The following FAM193B variants were observed in gnomAD, a reference collection of about 807,000 sequenced individuals.
FAM193B encodes family with sequence similarity 193 member B, also known as protein FAM193B.
Under a neutral mutation model 70.7 loss-of-function variants are expected in FAM193B, and 27 were observed. The ratio of observed to expected loss-of-function variants is 0.38; its 90% confidence interval spans 0.28 to 0.53. FAM193B has a LOEUF of 0.53. FAM193B is among the 20% of genes least tolerant of loss of function. FAM193B has a pLI of 0.81. For synonymous variants in FAM193B, 448 were observed against 436.0 expected, an observed-to-expected ratio of 1.03 and a Z score of -0.34; for missense variants, 1,022 against 1,072.5, an observed-to-expected ratio of 0.95 and a Z score of 0.66.
chr5:177,533,295 C>T (rs1581884180), intron 4 of FAM193B, among the ~76,000 whole-genome samples: 1 of 151,504 alleles, frequency 6.6e-6, no homozygotes, highest in East Asian at 1.9e-4. Context: ...GTGCCAGGTT[C>T]TAGAGTCGGC....
At chr5:177,552,446 A>G (rs914432446) in intron 1 of FAM193B, among the ~76,000 whole-genome samples, 4 of 152,240 alleles carry the variant, frequency 2.6e-5, no homozygotes, top group Non-Finnish European at 5.9e-5. Context: ...TGAAGCTTAG[A>G]GCTCTTGGCA....
chr5:177,531,547 AT>A, intron 5 of FAM193B: 1 of 1,265,618 alleles, frequency 7.9e-7, no homozygotes, highest in Non-Finnish European at 1.0e-6. Context: ...AGGTGCTGAC[AT>A]TACACCCTGG....
At chr5:177,545,061 T>A (rs1042423916) in intron 1 of FAM193B, among the ~76,000 whole-genome samples, 1 of 152,208 alleles carries the variant, frequency 6.6e-6, no homozygotes, top group African/African-American at 2.4e-5. Context: ...ATTTTTTTTT[T>A]AAGATGAAAT....
Position 177,554,178 on chromosome 5 carries a change from G to A in FAM193B, c.210+71C>T, listed in dbSNP as rs371129723. ...GGCAGGATGGCCCATCCCCAACCCC[G>A]CCCCACTCCCGCTCCCGCTCGGGGA... On this transcript the variant is annotated intron_variant, in intron 1 of 8. Transcript: ENST00000514747. 291 of 1,452,772 alleles carry A rather than the reference G, an allele frequency of 2.0e-4. 2 individuals are homozygous for A. In the East Asian group the frequency reaches 7.4e-3, roughly 37 times the overall value. 90.0% of individuals were successfully genotyped at this position (1,452,772 alleles called of 1,614,324 possible).
chr5:177,547,115 A>T (rs938555209), intron 1 of FAM193B: 9 of 152,180 alleles, frequency 5.9e-5, no homozygotes, highest in African/African-American at 2.2e-4. Flanking sequence ...ATGGGAATAA[A>T]ACCATATTTT....
At chr5:177,529,953 T>A (rs1043456279) in intron 5 of FAM193B, among the ~76,000 whole-genome samples, 5 of 152,190 alleles carry the variant, frequency 3.3e-5, no homozygotes, top group Non-Finnish European at 5.9e-5. Flanking sequence ...GGATCCTGGT[T>A]GTCCTTGGGG....
At position 177,525,097 on chromosome 5, in the gene FAM193B, G is replaced by A. The variant is rs769082254; in HGVS notation, c.1384C>T (p.Arg462Trp). ...AAGCTGTTGACCCGATCCAGTTCCC[G>A]GTCGGGCCACTCCAAGAGCCTCTCC... Reference protein sequence around the residue: ...ARERLLEWPDRELDRVNSFLS... With the variant: ...ARERLLEWPDWELDRVNSFLS... The change falls in exon 6 of 9, where the codon CGG (arginine) becomes TGG (tryptophan). Residue 462 changes from arginine (R) to tryptophan (W), a missense_variant. By Grantham distance (101) the Arg-to-Trp change is moderately radical. Transcript: ENST00000514747. 1.1e-5 allele frequency: 18 copies of A among 1,589,178 alleles called. No individual in the cohort carries two copies. Among genetic ancestry groups the A allele is most frequent in the East Asian group, 6.9e-5 (3 of 43,356 alleles).
At position 177,532,026 on chromosome 5, in the gene FAM193B, G is replaced by T. The variant is rs949941872; in HGVS notation, c.1275+417C>A. 1 of 1,291,916 alleles carries T rather than the reference G, an allele frequency of 7.7e-7. No individual in the cohort carries two copies. Among genetic ancestry groups the T allele is most frequent in the Non-Finnish European group, 1.0e-6 (1 of 990,684 alleles). The allele number at this position is 1,291,916 out of a possible 1,614,324, so 80.0% of individuals were successfully genotyped here. On this transcript the variant is annotated intron_variant, in intron 5 of 8. Coordinates refer to ENST00000514747, the MANE Select transcript of FAM193B (RefSeq NM_001190946.3). The surrounding 1 kb of genome is among the most constrained non-coding windows in gnomAD (Gnocchi z 4.9). ...CCCTCTGATCTGAGCCTCCTTCCTG[G>T]CGCCGTCTGTGCTCACGGCCTGTCC...
At chr5:177,529,532 CAGG>C (rs1462680840) in intron 5 of FAM193B, among the ~76,000 whole-genome samples, 11 of 152,126 alleles carry the variant, frequency 7.2e-5, no homozygotes, top group Non-Finnish European at 1.3e-4. Context: ...GCCTGCCAGA[CAGG>C]AGCTGTGCAG....
In FAM193B at chr5:177,554,489, A is replaced by ACGCCGCGCCGCGCCGCCGCCGC. The variant is rs561538268; in HGVS notation, c.-32_-31insGCGGCGGCGGCGCGGCGCGGCG. ...CGCTCGCGCCGCTCCCTCGCTCCAC[A>ACGCCGCGCCGCGCCGCCGCCGC]CGCCGCCGCCGCCGCCGCCGCCGCC... On this transcript the variant is annotated 5_prime_UTR_variant, in exon 1 of 9. Coordinates refer to ENST00000514747, the MANE Select transcript of FAM193B (RefSeq NM_001190946.3). The ACGCCGCGCCGCGCCGCCGCCGC allele has an allele frequency of 1.7e-6, 1 of 601,182 alleles. No individual in the cohort carries two copies. The highest frequency in any genetic ancestry group is 2.0e-6 in the Non-Finnish European group (1 of 494,082). 37.2% of individuals were successfully genotyped at this position (601,182 alleles called of 1,614,324 possible).
In FAM193B at chr5:177,538,657, A is replaced by G. The variant is rs940547593; in HGVS notation, c.453+248T>C. The stretch of plus-strand genomic sequence containing the variant: ...GGCAGCAGGCTCGTGATCTACCAGT[A>G]CCTATGAGTGGGCCCTCATCCTGTG... On this transcript the variant is annotated intron_variant, in intron 2 of 8. Transcript: ENST00000514747. This position sits in a 1 kb window ranked among gnomAD's most constrained non-coding sequence, Gnocchi z 4.1. Among the ~76,000 whole-genome samples the G allele has an allele frequency of 1.3e-5, 2 of 152,198 alleles. No homozygotes were observed. The highest frequency in any genetic ancestry group is 4.8e-5 in the African/African-American group (2 of 41,458).
At chr5:177,526,254 G>A (rs1469988296) in intron 5 of FAM193B, among the ~76,000 whole-genome samples, 2 of 152,176 alleles carry the variant, frequency 1.3e-5, no homozygotes, top group African/African-American at 4.8e-5. Flanking sequence ...TATTCTCTCT[G>A]AACCTTACTT....
intron 1 of FAM193B, among the ~76,000 whole-genome samples, chr5:177,545,513 A>G (rs1413722831): frequency 6.6e-6 from 1 of 152,188 alleles, no homozygotes; most frequent in South Asian, 2.1e-4. Flanking sequence ...AACACAAACA[A>G]AAGCTCTTTG....
chr5:177,525,101 G>C lies in FAM193B; in HGVS notation c.1380C>G (p.Pro460=), dbSNP rs748685077. ...RPARERLLEW[P]DRELDRVNSF... ...TGTTGACCCGATCCAGTTCCCGGTCGGGCCACTCCAAGAGCCTCTCCCTGG... is the reference window on the plus strand; with the variant it reads ...TGTTGACCCGATCCAGTTCCCGGTCCGGCCACTCCAAGAGCCTCTCCCTGG... The change falls in exon 6 of 9, where the codon CCC becomes CCG. Residue 460 remains proline, a synonymous_variant. Coordinates refer to ENST00000514747, the MANE Select transcript of FAM193B (RefSeq NM_001190946.3). The C allele has an allele frequency of 1.9e-6, 3 of 1,588,562 alleles. No homozygotes were observed. The highest frequency in any genetic ancestry group is 1.1e-5 in the South Asian group (1 of 88,032).
At chr5:177,543,196 G>C (rs1254687058) in intron 1 of FAM193B, among the ~76,000 whole-genome samples, 1 of 152,178 alleles carries the variant, frequency 6.6e-6, no homozygotes, top group Non-Finnish European at 1.5e-5. Context: ...ATCACTAGAA[G>C]TGACTTTACA....
intron 1 of FAM193B, among the ~76,000 whole-genome samples, chr5:177,541,449 C>T (rs1302378922): frequency 1.3e-5 from 2 of 152,062 alleles, no homozygotes; most frequent in Non-Finnish European, 2.9e-5. Context: ...GACGGAGTCT[C>T]GCTCTGTCGC....
In FAM193B at chr5:177,527,967, C is replaced by A. The variant is rs1237247115; in HGVS notation, c.1276-2762G>T. On this transcript the variant is annotated intron_variant, in intron 5 of 8. Coordinates refer to ENST00000514747, the MANE Select transcript of FAM193B (RefSeq NM_001190946.3). ...AGTAGCAGTTGGAGACGTGGATGTA[C>A]AGGGTGGGGAGGAAACACTATTGGG... Among the ~76,000 whole-genome samples, 8 of 152,284 alleles carry A rather than the reference C, an allele frequency of 5.3e-5. No individual in the cohort carries two copies. In the East Asian group the frequency reaches 1.5e-3, roughly 29 times the overall value.
intron 4 of FAM193B, among the ~76,000 whole-genome samples, chr5:177,533,438 G>A (rs553051431): frequency 1.3e-5 from 2 of 151,996 alleles, no homozygotes; most frequent in African/African-American, 4.8e-5. Context: ...CCGAGTAGCT[G>A]GGACTACAGG....
At position 177,532,250 on chromosome 5, in the gene FAM193B, A is replaced by G. The variant is rs1763582718; in HGVS notation, c.1275+193T>C. On this transcript the variant is annotated intron_variant, in intron 5 of 8. Coordinates refer to ENST00000514747, the MANE Select transcript of FAM193B (RefSeq NM_001190946.3). The surrounding 1 kb of genome is among the most constrained non-coding windows in gnomAD (Gnocchi z 4.9). Reference sequence around the variant, plus strand: ...GAGAAACCATGAGAAGAGCAAAGGTAGCAAAATGTTTAAAAACCCCTACCT... The same window carrying G: ...GAGAAACCATGAGAAGAGCAAAGGTGGCAAAATGTTTAAAAACCCCTACCT... The G allele has an allele frequency of 5.4e-6, 8 of 1,490,790 alleles. No homozygotes were observed. Among genetic ancestry groups the G allele is most frequent in the Non-Finnish European group, 7.1e-6 (8 of 1,126,454 alleles). 92.3% of individuals were successfully genotyped at this position (1,490,790 alleles called of 1,614,324 possible). A position where few individuals can be genotyped will look rare whatever the true frequency, so the allele number is the denominator to read the frequency against.
Sources: allele counts gnomAD v4.1 joint callset (sites outside exome capture counted in the v4.1 genomes callset), GRCh38; gene constraint gnomAD v4.1.1; non-coding constraint Gnocchi (gnomAD v3.1); transcripts MANE v1.5; gene names NCBI Gene and HGNC (gene_info 2026-07-23, HGNC 2026-07-21).